EXOC6: variants seen among roughly 807,000 people sequenced by gnomAD.
EXOC6 encodes SEC15-like 1.
Under a neutral mutation model 112.5 loss-of-function variants are expected in EXOC6, and 60 were observed. The ratio of observed to expected loss-of-function variants is 0.53; its 90% CI spans 0.43 to 0.66. EXOC6 has a LOEUF of 0.66. Among genes scored for constraint, EXOC6 ranks in the 30% least tolerant of loss-of-function variants. The pLI is 0.00. For missense variants in EXOC6, 855 were observed against 957.1 expected (o/e 0.89, Z 1.41); for synonymous variants, 295 against 308.0 (o/e 0.96, Z 0.44).
intron 20 of EXOC6, among the ~76,000 whole-genome samples, chr10:93,042,071 C>A (rs1421412490): frequency 6.6e-6 from 1 of 152,202 alleles, no homozygotes; most frequent in Admixed American, 6.5e-5. Context: ...GCATATATAT[C>A]CTTTTATGAT....
intron 17 of EXOC6, among the ~76,000 whole-genome samples, chr10:92,963,091 T>C (rs1854107308): frequency 6.6e-6 from 1 of 152,194 alleles, no homozygotes; most frequent in Non-Finnish European, 1.5e-5. Flanking sequence ...AAAGCTGAAG[T>C]TATATTCAGA....
chr10:93,045,234 AG>A lies in EXOC6; in HGVS notation c.2170-11689del, dbSNP rs535092052. Among the ~76,000 whole-genome samples the A allele has an allele frequency of 6.6e-5, 10 of 152,336 alleles. No individual in the cohort carries two copies. In the South Asian group the frequency reaches 2.1e-3, roughly 32 times the overall value. ...AAGCCAGTCATTGTTTATAACTAAT[AG>A]CAAATTATAAGTATTATTTGACTTC... is the stretch of plus-strand genomic sequence containing the variant. On this transcript the variant is annotated intron_variant, in intron 20 of 21. Coordinates refer to ENST00000260762, the MANE Select transcript of EXOC6 (RefSeq NM_019053.6).
chr10:92,914,911 T>C (rs1850997480), intron 6 of EXOC6, among the ~76,000 whole-genome samples: 1 of 152,242 alleles, frequency 6.6e-6, no homozygotes, highest in African/African-American at 2.4e-5. Flanking sequence ...GTTTATATTT[T>C]TTTCTATTTC....
At chr10:93,029,859 A>G (rs1845192729) in intron 20 of EXOC6, among the ~76,000 whole-genome samples, 1 of 151,020 alleles carries the variant, frequency 6.6e-6, no homozygotes, top group African/African-American at 2.4e-5. Context: ...TATTCAATTG[A>G]CCTAGCATCA....
At chr10:93,052,884 G>T (rs1846366480) in intron 20 of EXOC6, among the ~76,000 whole-genome samples, 1 of 152,106 alleles carries the variant, frequency 6.6e-6, no homozygotes, top group Admixed American at 6.6e-5. Context: ...AGGTGTATGT[G>T]TTAACCAATA....
intron 19 of EXOC6, among the ~76,000 whole-genome samples, chr10:93,008,046 G>A (rs1464945212): frequency 6.6e-6 from 1 of 152,090 alleles, no homozygotes; most frequent in Admixed American, 6.6e-5. Context: ...GGTGGTGCAT[G>A]CCTGTAATCA....
In EXOC6 at chr10:92,856,344, A is replaced by G. The variant is rs937109139; in HGVS notation, c.101+7710A>G. ...TTAATATTGGTTTTTACAGCTATAA[A>G]TTTTTCTCTAAGAACAGCATTAGCT... On this transcript the variant is annotated intron_variant, in intron 1 of 21. Transcript: ENST00000260762. Among the ~76,000 whole-genome samples the G allele has an allele frequency of 2.0e-5, 3 of 151,978 alleles. 1 individual carries two copies. The highest frequency in any genetic ancestry group is 2.9e-5 in the Non-Finnish European group (2 of 67,970).
At chr10:93,029,874 T>C (rs1411324598) in intron 20 of EXOC6, among the ~76,000 whole-genome samples, 1 of 152,166 alleles carries the variant, frequency 6.6e-6, no homozygotes, top group East Asian at 1.9e-4. Context: ...GCATCATTTA[T>C]TGAAAATAAA....
intron 17 of EXOC6, among the ~76,000 whole-genome samples, chr10:92,961,310 T>A (rs1377488078): frequency 2.6e-5 from 4 of 152,186 alleles, no homozygotes; most frequent in Non-Finnish European, 5.9e-5. Context: ...ATTGCCATTT[T>A]AAAAAGGCAA....
rs192561957 is a variant in EXOC6, at chr10:92,899,220, C to T, written c.413-379C>T. 3.2e-3 allele frequency among the ~76,000 whole-genome samples: 492 copies of T among 152,232 alleles called. 4 individuals carry two copies. The highest frequency in any genetic ancestry group is 0.011 in the African/African-American group (454 of 41,544). On this transcript the variant is annotated intron_variant, in intron 4 of 21. Coordinates refer to ENST00000260762, the MANE Select transcript of EXOC6 (RefSeq NM_019053.6). ...ATCAGTGAATCTCACACTCAACTTT[C>T]TCTCTCAAATAACTAAAGTCTAAAG...
At chr10:92,973,239 C>T (rs1390494055) in intron 17 of EXOC6, among the ~76,000 whole-genome samples, 2 of 152,148 alleles carry the variant, frequency 1.3e-5, no homozygotes, top group Non-Finnish European at 2.9e-5. Context: ...CAGCTCTGTT[C>T]TGTCTGCTTT....
intron 17 of EXOC6, among the ~76,000 whole-genome samples, chr10:92,960,111 G>A (rs1210151720): frequency 1.3e-5 from 2 of 152,198 alleles, no homozygotes; most frequent in African/African-American, 2.4e-5. Context: ...AAGCAACCAA[G>A]ATGTCCTTCA....
chr10:92,833,924 G>A (rs1038142116), upstream of EXOC6, among the ~76,000 whole-genome samples: 7 of 151,676 alleles, frequency 4.6e-5, no homozygotes, highest in African/African-American at 1.7e-4. Flanking sequence ...TCTTCCTCTC[G>A]GTGGCAGCTA....
chr10:92,924,284 C>T (rs574190239), intron 8 of EXOC6, among the ~76,000 whole-genome samples: 5 of 152,210 alleles, frequency 3.3e-5, no homozygotes, highest in Non-Finnish European at 5.9e-5. Flanking sequence ...TAATACTCTT[C>T]GTTAGGATGT....
At chr10:92,975,858 G>T (rs1475289386) in intron 18 of EXOC6, among the ~76,000 whole-genome samples, 1 of 134,762 alleles carries the variant, frequency 7.4e-6, no homozygotes. Flanking sequence ...CTGCCCGGCC[G>T]CCCCTACTGG....
intron 20 of EXOC6, among the ~76,000 whole-genome samples, chr10:93,028,834 C>CAAAAAAA (rs59650538): frequency 2.5e-5 from 2 of 79,160 alleles, no homozygotes; most frequent in African/African-American, 4.4e-5. Context: ...AACTCCATCT[C>CAAAAAAA]AAAAAAAAAA....
intron 1 of EXOC6, among the ~76,000 whole-genome samples, chr10:92,861,363 T>C (rs1847903300): frequency 6.6e-6 from 1 of 152,130 alleles, no homozygotes; most frequent in African/African-American, 2.4e-5. Context: ...CCTCTCTCAG[T>C]GTGGAGCCTC....
At chr10:92,967,594 A>G (rs1387896907) in intron 17 of EXOC6, among the ~76,000 whole-genome samples, 1 of 152,160 alleles carries the variant, frequency 6.6e-6, no homozygotes, top group East Asian at 1.9e-4. Flanking sequence ...TTAGCTCTGT[A>G]AGTTTGGAGG....
At chr10:92,964,875 C>T (rs1378885769) in intron 17 of EXOC6, among the ~76,000 whole-genome samples, 1 of 152,176 alleles carries the variant, frequency 6.6e-6, no homozygotes, top group East Asian at 1.9e-4. Flanking sequence ...CAGTTCCCAG[C>T]AGCTCTAGGC....
Sources: gnomAD v4.1 joint callset for allele counts (sites outside exome capture counted in the v4.1 genomes callset) on GRCh38, gnomAD v4.1.1 for gene constraint, MANE v1.5 for transcripts, NCBI Gene and HGNC (gene_info 2026-07-23, HGNC 2026-07-21) for gene names.